The following CDCA4 variants were observed in gnomAD, a reference collection of about 807,000 sequenced individuals.
CDCA4 encodes cell division cycle associated 4, also known as cell division cycle-associated protein 4.
For synonymous variants in CDCA4, 130 were observed against 137.0 expected (o/e 0.95, Z 0.36); for missense variants, 294 against 322.1 (o/e 0.91, Z 0.67).
intron 1 of CDCA4, among the ~76,000 whole-genome samples, chr14:105,014,879 T>C (rs1900602161): frequency 6.6e-6 from 1 of 152,096 alleles, no homozygotes; most frequent in Admixed American, 6.5e-5. Context: ...CCAAACCAAA[T>C]CCTCTTGAAC....
At position 105,012,948 on chromosome 14, in the gene CDCA4, G is replaced by C. The variant is rs769676015; in HGVS notation, c.-6-1013C>G. Among the ~76,000 whole-genome samples, 37 of 152,318 alleles carry C rather than the reference G, an allele frequency of 2.4e-4. 1 individual carries two copies. Among genetic ancestry groups the C allele is most frequent in the Non-Finnish European group, 4.3e-4 (29 of 68,022 alleles). The stretch of plus-strand genomic sequence containing the variant: ...CAGGGTATGTGTGTGTCCGGGGCAG[G>C]GGGGGTGGGTTCCTCACCAGTGTGT... On this transcript the variant is annotated intron_variant, in intron 1 of 1. Coordinates refer to ENST00000336219, the MANE Select transcript of CDCA4 (RefSeq NM_017955.4).
chr14:105,011,158 A>C lies in CDCA4; in HGVS notation c.*46T>G. 1 of 1,553,764 alleles carries C rather than the reference A, an allele frequency of 6.4e-7. No individual in the cohort carries two copies. The highest frequency in any genetic ancestry group is 1.8e-4 in the Middle Eastern group (1 of 5,458). On this transcript the variant is annotated 3_prime_UTR_variant, in exon 2 of 2. Transcript: ENST00000336219. Reference sequence around the variant, plus strand: ...GCACCCTCCGTGGGAGCCAGTGCTCACGTGTCAATGCGTCAGAGGCGGCTG... The same window carrying C: ...GCACCCTCCGTGGGAGCCAGTGCTCCCGTGTCAATGCGTCAGAGGCGGCTG...
At chr14:105,015,704 G>A (rs1900632965) in intron 1 of CDCA4, among the ~76,000 whole-genome samples, 1 of 151,508 alleles carries the variant, frequency 6.6e-6, no homozygotes, top group Admixed American at 6.6e-5. Context: ...TTGTTGTGTC[G>A]CCCAGGCTGG....
intron 1 of CDCA4, among the ~76,000 whole-genome samples, chr14:105,013,817 C>T (rs12884180): frequency 0.075 from 11,448 of 152,224 alleles, 576 homozygotes; most frequent in East Asian, 0.23. Flanking sequence ...AACTAAGTGA[C>T]CTCTTGGGCA....
rs1396902090 is a variant in CDCA4, at chr14:105,011,989, G to T, written c.-6-54C>A. On this transcript the variant is annotated intron_variant, in intron 1 of 1. Transcript: ENST00000336219. ...GCACACGGCAGACTCTCTGCGGACA[G>T]CGCCCCTTGGATTTCGTCTGACTGC... 7 of 1,538,286 alleles carry T rather than the reference G, an allele frequency of 4.6e-6. No individual in the cohort carries two copies. The East Asian group carries it at 1.6e-4, about 35-fold the overall frequency.
rs991561729 is a variant in CDCA4, at chr14:105,009,668, G to C, written c.*1536C>G. On this transcript the variant is annotated 3_prime_UTR_variant, in exon 2 of 2. Transcript: ENST00000336219. ...TATAAAACACATACCCTTTAAACTAGGGTCCATGAGGATTAACTTTCGACA... is the reference window on the plus strand; with the variant it reads ...TATAAAACACATACCCTTTAAACTACGGTCCATGAGGATTAACTTTCGACA... The C allele has an allele frequency of 1.3e-5, 2 of 152,146 alleles. No individual in the cohort carries two copies. The highest frequency in any genetic ancestry group is 4.8e-5 in the African/African-American group (2 of 41,422). The allele number at this position is 152,146 out of a possible 1,614,324, so 9.4% of individuals were successfully genotyped here. A position where few individuals can be genotyped will look rare whatever the true frequency, so the allele number is the denominator to read the frequency against.
chr14:105,014,488 GC>G (rs1332702390), intron 1 of CDCA4, among the ~76,000 whole-genome samples: 2 of 152,156 alleles, frequency 1.3e-5, no homozygotes, highest in Non-Finnish European at 2.9e-5. Context: ...CACAGGCACA[GC>G]CCTCAGGCTG....
intron 1 of CDCA4, among the ~76,000 whole-genome samples, chr14:105,015,798 G>A (rs951314915): frequency 6.6e-6 from 1 of 152,184 alleles, no homozygotes; most frequent in African/African-American, 2.4e-5. Context: ...CCGAGTAGCT[G>A]GGATTACAAG....
Position 105,011,881 on chromosome 14 carries a change from C to T in CDCA4, c.49G>A (p.Val17Met), listed in dbSNP as rs757587945. Residue 17 changes from valine (V) to methionine (M), a missense_variant, in exon 2 of 2, where the codon GTG becomes ATG. Transcript: ENST00000336219. ...TTCAAGCCGGCCAGGGCTCCCTCCA[C>T]GTCTTCCTCGTGGCCAACACATTTC... ...KRKCVGHEED[V>M]EGALAGLKTV... is the part of the protein sequence containing the mutation. 19 of 1,613,628 alleles carry T rather than the reference C, an allele frequency of 1.2e-5. No individual in the cohort carries two copies. Among genetic ancestry groups the T allele is most frequent in the Middle Eastern group, 1.6e-4 (1 of 6,084 alleles).
chr14:105,019,772 C>T (rs1886178725), intron 1 of CDCA4, among the ~76,000 whole-genome samples: 1 of 135,208 alleles, frequency 7.4e-6, no homozygotes, highest in African/African-American at 3.7e-5. Context: ...AGTGCAATGG[C>T]ACGATCTCGG....
In CDCA4 at chr14:105,011,089, G is replaced by C. The variant is rs1900485229; in HGVS notation, c.*115C>G. The C allele has an allele frequency of 4.7e-6, 6 of 1,267,676 alleles. No homozygotes were observed. Among genetic ancestry groups the C allele is most frequent in the Non-Finnish European group, 1.1e-6 (1 of 937,728 alleles). The allele number at this position is 1,267,676 out of a possible 1,614,324, so 78.5% of individuals were successfully genotyped here. A position where few individuals can be genotyped will look rare whatever the true frequency, so the allele number is the denominator to read the frequency against. On this transcript the variant is annotated 3_prime_UTR_variant, in exon 2 of 2. Transcript: ENST00000336219. ...TAATGGGCTGTTCTGGGATTTCTCAGAATCAGCAGACAGGGCAGCAAGGCT... is the reference window on the plus strand; with the variant it reads ...TAATGGGCTGTTCTGGGATTTCTCACAATCAGCAGACAGGGCAGCAAGGCT...
At chr14:105,013,442 T>A (rs560835115) in intron 1 of CDCA4, among the ~76,000 whole-genome samples, 1 of 152,378 alleles carries the variant, frequency 6.6e-6, no homozygotes, top group African/African-American at 2.4e-5. Flanking sequence ...AAATATTATT[T>A]CAAATAATTC....
rs201117401 is a variant in CDCA4 at position 105,015,684 on chromosome 14, TTTG to T, written c.-6-3752_-6-3750del. On this transcript the variant is annotated intron_variant, in intron 1 of 1. Transcript: ENST00000336219. ...GGCCATCTCACAGGAGCCCCACTTCTTTGTTGTTGTTGTTGTGTCGCCCAGGCT... is the reference window on the plus strand; with the variant it reads ...GGCCATCTCACAGGAGCCCCACTTCTTTGTTGTTGTTGTGTCGCCCAGGCT... Among the ~76,000 whole-genome samples, 169 of 152,180 alleles carry T rather than the reference TTTG, an allele frequency of 1.1e-3. 2 individuals carry two copies. In the East Asian group the frequency reaches 0.02, roughly 18 times the overall value.
intron 1 of CDCA4, among the ~76,000 whole-genome samples, chr14:105,013,205 T>G (rs913631276): frequency 7.2e-5 from 11 of 151,728 alleles, no homozygotes; most frequent in African/African-American, 1.4e-4. Flanking sequence ...AAACTGTTTT[T>G]TTTTTTTTTT....
At chr14:105,019,326 A>G (rs1212173513) in intron 1 of CDCA4, among the ~76,000 whole-genome samples, 4 of 152,168 alleles carry the variant, frequency 2.6e-5, no homozygotes, top group Non-Finnish European at 5.9e-5. Context: ...TCAGGCAAGC[A>G]GAGTACAGCT....
intron 1 of CDCA4, among the ~76,000 whole-genome samples, chr14:105,014,176 G>T (rs997781461): frequency 3.9e-5 from 6 of 152,316 alleles, no homozygotes; most frequent in Non-Finnish European, 8.8e-5. Context: ...AGATCTTGGG[G>T]GTGAGGGCCC....
chr14:105,014,210 G>A (rs1175892181), intron 1 of CDCA4, among the ~76,000 whole-genome samples: 3 of 152,190 alleles, frequency 2.0e-5, no homozygotes, highest in African/African-American at 7.2e-5. Context: ...CTGTGGGGGT[G>A]GCCCTACCCT....
In CDCA4 at chr14:105,011,070, G is replaced by A. The variant is rs1226104814; in HGVS notation, c.*134C>T. 9.1e-7 allele frequency: 1 copy of A among 1,097,240 alleles called. No individual in the cohort carries two copies. The highest frequency in any genetic ancestry group is 1.6e-5 in the African/African-American group (1 of 62,430). 68.0% of individuals were successfully genotyped at this position (1,097,240 alleles called of 1,614,324 possible). A position where few individuals can be genotyped will look rare whatever the true frequency, so the allele number is the denominator to read the frequency against. On this transcript the variant is annotated 3_prime_UTR_variant, in exon 2 of 2. Transcript: ENST00000336219. The stretch of plus-strand genomic sequence containing the variant: ...AGGGCTGCAGCCCCACTGGTAATGG[G>A]CTGTTCTGGGATTTCTCAGAATCAG...
rs1452719384 is a variant in CDCA4 at position 105,011,797 on chromosome 14, A to G, written c.133T>C (p.Leu45=). ...QSLLDMSLVK[L]QLCHMLVEPN... ...TCCACAAGCATGTGGCAAAGCTGCA[A>G]CTTCACCAGAGACATGTCCAGGAGC... Residue 45 remains leucine, a synonymous_variant, in exon 2 of 2, where the codon TTG becomes CTG. Coordinates refer to ENST00000336219, the MANE Select transcript of CDCA4 (RefSeq NM_017955.4). The G allele has an allele frequency of 2.5e-6, 4 of 1,613,632 alleles. No individual in the cohort carries two copies. The highest frequency in any genetic ancestry group is 3.4e-6 in the Non-Finnish European group (4 of 1,180,038).
Sources: gnomAD v4.1 joint callset for allele counts (sites outside exome capture counted in the v4.1 genomes callset) on GRCh38, gnomAD v4.1.1 for gene constraint, MANE v1.5 for transcripts, NCBI Gene and HGNC (gene_info 2026-07-23, HGNC 2026-07-21) for gene names.